The following SLC24A5 variants were observed in gnomAD, a reference collection of about 807,000 sequenced individuals.
The protein encoded by SLC24A5 is solute carrier family 24 member 5.
Under a neutral mutation model 51.6 loss-of-function variants are expected in SLC24A5, and 46 were observed. The ratio of observed to expected loss-of-function variants is 0.89; its 90% CI spans 0.70 to 1.14. The LOEUF is 1.14. SLC24A5 is among the 50% of genes most tolerant of loss of function. The pLI is 0.00. For missense variants in SLC24A5, 581 were observed against 604.1 expected (o/e 0.96, Z 0.40); for synonymous variants, 230 against 214.9 (o/e 1.07, Z -0.62).
At chr15:48,137,227 G>A (rs1275576095) in intron 6 of SLC24A5, 1 of 367,254 alleles carries the variant, frequency 2.7e-6, no homozygotes, top group Non-Finnish European at 4.9e-6. Flanking sequence ...GCCAAAATGT[G>A]GTGAGGACAG....
chr15:48,141,422 C>T (rs1597276039), intron 8 of SLC24A5: 3 of 350,250 alleles, frequency 8.6e-6, no homozygotes, highest in Non-Finnish European at 1.6e-5. Context: ...ACTAAAAATA[C>T]AAAAATTAGC....
In SLC24A5 at chr15:48,142,330, A is replaced by T. The variant is rs1344339954; in HGVS notation, c.1482A>T (p.Lys494Asn). Residue 494 changes from lysine (K) to asparagine (N), a missense_variant, in exon 9 of 9, where the codon AAA (lysine) becomes AAT (asparagine). Physicochemically the swap from Lys to Asn is moderately conservative, Grantham distance 94. Transcript: ENST00000341459. ...AACTTGGAATTATTGGAAATAATAA[A>T]ATAAGGGGCTGTGGAGGTTGATATT... The part of the protein sequence containing the change: ...LYELGIIGNN[K>N]IRGCGG 3 of 1,606,348 alleles carry T rather than the reference A, an allele frequency of 1.9e-6. No individual in the cohort carries two copies. The highest frequency in any genetic ancestry group is 2.6e-6 in the Non-Finnish European group (3 of 1,175,490).
chr15:48,131,008 G>A (rs2038784351), intron 2 of SLC24A5, among the ~76,000 whole-genome samples: 1 of 151,916 alleles, frequency 6.6e-6, no homozygotes, highest in African/African-American at 2.4e-5. Flanking sequence ...TTTACCTCCT[G>A]GGCCTGTTTA....
rs1313086312 is a variant in SLC24A5, at chr15:48,135,100, T to C, written c.590+116T>C. The stretch of plus-strand genomic sequence containing the variant: ...CACTTAATCTGCCACTTCTATACCA[T>C]ATTCCAACAGGTCTGTGAGTTAACC... On this transcript the variant is annotated intron_variant, in intron 5 of 8. Coordinates refer to ENST00000341459, the MANE Select transcript of SLC24A5 (RefSeq NM_205850.3). The C allele has an allele frequency of 5.6e-6, 4 of 710,920 alleles. No homozygotes were observed. In the East Asian group the frequency reaches 1.1e-4, roughly 20 times the overall value. 44.0% of individuals were successfully genotyped at this position (710,920 alleles called of 1,614,324 possible).
At chr15:48,131,398 T>C (rs2038788388) in intron 2 of SLC24A5, among the ~76,000 whole-genome samples, 1 of 152,088 alleles carries the variant, frequency 6.6e-6, no homozygotes, top group Non-Finnish European at 1.5e-5. Context: ...TGATCCTAAA[T>C]GTTGGAGGTG....
chr15:48,126,518 A>T (rs1387278969), intron 2 of SLC24A5, among the ~76,000 whole-genome samples: 1 of 152,178 alleles, frequency 6.6e-6, no homozygotes, highest in African/African-American at 2.4e-5. Context: ...TGGGAAACAG[A>T]ATGGAGATTC....
intron 6 of SLC24A5, chr15:48,137,458 T>C (rs1473615371): frequency 6.6e-6 from 1 of 152,322 alleles, no homozygotes; most frequent in Non-Finnish European, 1.5e-5. Flanking sequence ...AATGCTATTT[T>C]AAGAATCTTG....
rs749601534 is a variant in SLC24A5, at chr15:48,141,113, G to A, written c.1079G>A (p.Gly360Glu). ...YILVWMVTIT[G>E]ETLEIPDTVM... is the part of the protein sequence containing the mutation. ...AACTTGAAATATCTGTTTATTACAGGGGAAACACTAGAAATTCCCGATACA... is the reference window on the plus strand; with the variant it reads ...AACTTGAAATATCTGTTTATTACAGAGGAAACACTAGAAATTCCCGATACA... The change falls in exon 8 of 9, where the codon GGG becomes GAG. Residue 360 changes from glycine (G) to glutamate (E), a missense_variant and splice_region_variant. Physicochemically the swap from Gly to Glu is moderately conservative, Grantham distance 98. Transcript: ENST00000341459. 3 of 1,609,580 alleles carry A rather than the reference G, an allele frequency of 1.9e-6. No individual in the cohort carries two copies.
In SLC24A5 at chr15:48,140,384, GAGAA is replaced by G. The variant is rs1043571992; in HGVS notation, c.1079-723_1079-720del. On this transcript the variant is annotated intron_variant, in intron 7 of 8. Coordinates refer to ENST00000341459, the MANE Select transcript of SLC24A5 (RefSeq NM_205850.3). Reference sequence around the variant, plus strand: ...TAGTTGGCATTTTAAGAAAAAAAAAGAGAAAGAAAAAAAAGACGCTAAACCAAGT... The same window carrying G: ...TAGTTGGCATTTTAAGAAAAAAAAAGAGAAAAAAAAGACGCTAAACCAAGT... 3.6e-4 allele frequency: 55 copies of G among 151,420 alleles called. 1 individual carries two copies. Among genetic ancestry groups the G allele is most frequent in the Admixed American group, 7.2e-4 (11 of 15,204 alleles). The allele number at this position is 151,420 out of a possible 1,614,324, so 9.4% of individuals were successfully genotyped here. A position where few individuals can be genotyped will look rare whatever the true frequency, so the allele number is the denominator to read the frequency against.
rs187025616 is a variant in SLC24A5 at position 48,136,488 on chromosome 15, T to C, written c.591-195T>C. Reference sequence around the variant, plus strand: ...AAAAAAAAAAAACAACACAGAAGTGTCCAGCTTTTATCAATAAACATAATA... The same window carrying C: ...AAAAAAAAAAAACAACACAGAAGTGCCCAGCTTTTATCAATAAACATAATA... On this transcript the variant is annotated intron_variant, in intron 5 of 8. Transcript: ENST00000341459. 1.1e-4 allele frequency: 49 copies of C among 457,104 alleles called. No individual in the cohort carries two copies. The Admixed American group carries it at 1.6e-3, about 15-fold the overall frequency. 28.3% of individuals were successfully genotyped at this position (457,104 alleles called of 1,614,324 possible). A position where few individuals can be genotyped will look rare whatever the true frequency, so the allele number is the denominator to read the frequency against.
chr15:48,132,113 C>T (rs1293112005), intron 2 of SLC24A5, among the ~76,000 whole-genome samples: 1 of 152,130 alleles, frequency 6.6e-6, no homozygotes, highest in Non-Finnish European at 1.5e-5. Context: ...CTACTGCTTT[C>T]CCTTGACACT....
chr15:48,140,426 C>T (rs1380402260), intron 7 of SLC24A5: 2 of 151,804 alleles, frequency 1.3e-5, no homozygotes, highest in Non-Finnish European at 2.9e-5. Flanking sequence ...TCAATTACAA[C>T]ATTAAAGGAA....
chr15:48,134,177 C>T (rs1275686442), intron 2 of SLC24A5, 81 bp from the exon 3 acceptor site: 1 of 1,145,588 alleles, frequency 8.7e-7, no homozygotes, highest in African/African-American at 1.6e-5. Context: ...GAAGCTGTAG[C>T]TTTGAGTATC....
chr15:48,141,876 A>T (rs745742282), intron 8 of SLC24A5, 153 bp from the exon 9 acceptor site: 33 of 500,548 alleles, frequency 6.6e-5, no homozygotes, highest in Non-Finnish European at 1.1e-4. Context: ...AGAAAAATTT[A>T]AAAATACAAA....
chr15:48,128,869 T>C (rs2140715405), intron 2 of SLC24A5, among the ~76,000 whole-genome samples: 1 of 152,292 alleles, frequency 6.6e-6, no homozygotes, highest in African/African-American at 2.4e-5. Context: ...AATAAAGTTA[T>C]GTATTATCTC....
intron 4 of SLC24A5, 65 bp from the exon 5 acceptor site, chr15:48,134,819 T>A (rs183612933): frequency 3.0e-5 from 37 of 1,215,112 alleles, no homozygotes; most frequent in Admixed American, 2.9e-4. Flanking sequence ...AATTTTAGTA[T>A]TATACTAAGG....
At chr15:48,140,836 G>C (rs534327604) in intron 7 of SLC24A5, 1 of 325,406 alleles carries the variant, frequency 3.1e-6, no homozygotes, top group East Asian at 6.9e-5. Context: ...AACATCTTTT[G>C]TAAGAATATC....
At chr15:48,142,005 T>C in intron 8 of SLC24A5, 24 bp from the exon 9 acceptor site, 1 of 1,551,352 alleles carries the variant, frequency 6.4e-7, no homozygotes, top group South Asian at 1.2e-5. Context: ...AAGCACATTT[T>C]AACAGTATGC....
intron 1 of SLC24A5, 96 bp downstream of exon 1, chr15:48,121,261 G>A (rs975789407): frequency 6.0e-6 from 8 of 1,324,970 alleles, no homozygotes; most frequent in Middle Eastern, 5.3e-4. Flanking sequence ...AATTCTCAAT[G>A]GGCTCACTTT....
Sources: allele counts gnomAD v4.1 joint callset (sites outside exome capture counted in the v4.1 genomes callset), GRCh38; gene constraint gnomAD v4.1.1; transcripts MANE v1.5; gene names NCBI Gene and HGNC (gene_info 2026-07-23, HGNC 2026-07-21).